Variants in FAM13A observed in about 807,000 individuals in gnomAD.
The protein encoded by FAM13A is family with sequence similarity 13 member A.
Under a neutral mutation model 129.6 loss-of-function variants are expected in FAM13A, and 76 were observed. The ratio of observed to expected loss-of-function variants is 0.59; its 90% confidence interval spans 0.49 to 0.71. The LOEUF (loss-of-function observed/expected upper bound fraction) is 0.71. FAM13A is among the 30% of genes least tolerant of loss of function. FAM13A has a pLI of 0.00. For missense variants in FAM13A, 1,108 were observed against 1,249.3 expected, an observed-to-expected ratio of 0.89 and a Z score of 1.70; for synonymous variants, 443 against 449.9, an observed-to-expected ratio of 0.98 and a Z score of 0.20.
At chr4:88,862,963 TCTTC>T (rs1235856940) in intron 6 of FAM13A, among the ~76,000 whole-genome samples, 7 of 151,822 alleles carry the variant, frequency 4.6e-5, no homozygotes, top group African/African-American at 1.2e-4. Context: ...TTTTATTTTT[TCTTC>T]CTTCATTTAG....
At chr4:89,020,396 T>C (rs1767101888) in intron 3 of FAM13A, 64 bp downstream of exon 3, 2 of 1,194,526 alleles carry the variant, frequency 1.7e-6, no homozygotes, top group Admixed American at 3.8e-5. Context: ...GGATTATAGG[T>C]GTGGGCCACC....
At chr4:88,803,837 A>T (rs1177434034) in intron 8 of FAM13A, among the ~76,000 whole-genome samples, 2 of 152,246 alleles carry the variant, frequency 1.3e-5, no homozygotes, top group Non-Finnish European at 2.9e-5. Context: ...CCTATGACAC[A>T]TTTCTGAAGT....
At position 88,749,079 on chromosome 4, in the gene FAM13A, G is replaced by T. The variant is rs756586052; in HGVS notation, c.2080-46C>A. 60 of 1,351,066 alleles carry T rather than the reference G, an allele frequency of 4.4e-5. 1 individual carries two copies. The highest frequency in any genetic ancestry group is 4.2e-6 in the Non-Finnish European group (4 of 942,786). 83.7% of individuals were successfully genotyped at this position (1,351,066 alleles called of 1,614,324 possible). A position where few individuals can be genotyped will look rare whatever the true frequency, so the allele number is the denominator to read the frequency against. ...GTAAATGCTTTGGAACTGGAGCAGGGAAAGTAAGAAGTGTTTGATGATCAT... is the reference window on the plus strand; with the variant it reads ...GTAAATGCTTTGGAACTGGAGCAGGTAAAGTAAGAAGTGTTTGATGATCAT... On this transcript the variant is annotated intron_variant, in intron 16 of 23. Transcript: ENST00000264344.
At chr4:88,847,644 T>C (rs1736862080) in intron 7 of FAM13A, among the ~76,000 whole-genome samples, 1 of 151,808 alleles carries the variant, frequency 6.6e-6, no homozygotes, top group Admixed American at 6.6e-5. Flanking sequence ...AAAAATTACA[T>C]AAACAACAGG....
At chr4:88,728,726 G>A in intron 23 of FAM13A, 67 bp from the exon 24 acceptor site, 1 of 1,557,486 alleles carries the variant, frequency 6.4e-7, no homozygotes, top group Non-Finnish European at 8.8e-7. Flanking sequence ...CTATTCATCG[G>A]GCAAATTATC....
intron 3 of FAM13A, among the ~76,000 whole-genome samples, chr4:88,996,450 T>C (rs1263345962): frequency 6.6e-6 from 1 of 152,214 alleles, no homozygotes; most frequent in Non-Finnish European, 1.5e-5. Context: ...AGAATGCAGT[T>C]TAAATTTGTC....
chr4:88,799,480 C>CTT (rs58865037), intron 8 of FAM13A, among the ~76,000 whole-genome samples: 8 of 147,518 alleles, frequency 5.4e-5, no homozygotes, highest in South Asian at 4.3e-4. Context: ...AACAATTCCA[C>CTT]TTTTTTTTTT....
chr4:88,752,248 CAGGTGACAGATAA>C (rs747003688), intron 14 of FAM13A, among the ~76,000 whole-genome samples: 2 of 152,144 alleles, frequency 1.3e-5, no homozygotes, highest in Non-Finnish European at 2.9e-5. Context: ...TCCAACCCAG[CAGGTGACAGATAA>C]GGAAACTGAA....
At chr4:88,918,080 C>T (rs572848736) in intron 5 of FAM13A, among the ~76,000 whole-genome samples, 104 of 152,278 alleles carry the variant, frequency 6.8e-4, no homozygotes, top group South Asian at 3.1e-3. Flanking sequence ...TGTAGAAATT[C>T]CTTTCCTTTC....
At chr4:88,799,734 T>C (rs13149860) in intron 8 of FAM13A, among the ~76,000 whole-genome samples, 81,796 of 151,994 alleles carry the variant, frequency 0.54, 22,467 homozygotes, top group East Asian at 0.69. Flanking sequence ...CCACCCGCCT[T>C]GGCCTCCCAA....
chr4:88,865,961 T>C (rs1473975800), intron 6 of FAM13A, among the ~76,000 whole-genome samples: 1 of 136,892 alleles, frequency 7.3e-6, no homozygotes, highest in Non-Finnish European at 1.5e-5. Flanking sequence ...ACAGTCTGCC[T>C]CCTGGGTTCA....
chr4:88,764,091 C>T (rs1745303387), intron 13 of FAM13A, among the ~76,000 whole-genome samples: 1 of 152,178 alleles, frequency 6.6e-6, no homozygotes, highest in African/African-American at 2.4e-5. Flanking sequence ...CTTGTGATAA[C>T]TAATATTAAT....
intron 21 of FAM13A, among the ~76,000 whole-genome samples, chr4:88,735,408 G>A (rs1190017727): frequency 6.6e-6 from 1 of 152,046 alleles, no homozygotes; most frequent in Non-Finnish European, 1.5e-5. Flanking sequence ...TCCTTCCATT[G>A]CTGTAAACTT....
intron 6 of FAM13A, among the ~76,000 whole-genome samples, chr4:88,875,698 G>C (rs1742297810): frequency 1.3e-5 from 2 of 152,210 alleles, no homozygotes; most frequent in Non-Finnish European, 1.5e-5. Flanking sequence ...TGGTGGGACT[G>C]TAAACTAGTT....
intron 6 of FAM13A, among the ~76,000 whole-genome samples, chr4:88,899,025 C>A (rs1746806129): frequency 6.6e-6 from 1 of 151,744 alleles, no homozygotes; most frequent in South Asian, 2.1e-4. Flanking sequence ...CAGCCCAAAG[C>A]CCATCAATCA....
intron 4 of FAM13A, among the ~76,000 whole-genome samples, chr4:88,973,126 G>C (rs978830518): frequency 1.6e-5 from 2 of 128,342 alleles, no homozygotes; most frequent in South Asian, 2.3e-4. Context: ...ACAAGCCTAG[G>C]CATAATTTTT....
chr4:88,801,874 G>A (rs1338158178), intron 8 of FAM13A, among the ~76,000 whole-genome samples: 2 of 151,962 alleles, frequency 1.3e-5, no homozygotes, highest in Non-Finnish European at 2.9e-5. Flanking sequence ...AAAAGGAGAT[G>A]CAGAACCCGA....
At chr4:88,982,973 T>C (rs1921681) in intron 4 of FAM13A, among the ~76,000 whole-genome samples, 78,857 of 151,922 alleles carry the variant, frequency 0.52, 20,568 homozygotes, top group Middle Eastern at 0.62. Context: ...CAGTGATTGA[T>C]GGAAATGGGG....
rs80274904 is a variant in FAM13A, at chr4:88,991,021, C to A, written c.557G>T (p.Arg186Leu). 1.2e-6 allele frequency: 2 copies of A among 1,613,906 alleles called. No individual in the cohort carries two copies. Among genetic ancestry groups the A allele is most frequent in the Non-Finnish European group, 1.7e-6 (2 of 1,179,960 alleles). Residue 186 changes from arginine to leucine, a missense_variant, in exon 4 of 24, where the codon CGC (arginine) becomes CTC (leucine). By Grantham distance (102) the Arg-to-Leu change is moderately radical. Around this residue, in one of 3 missense-constraint regions of FAM13A, gnomAD observed 566 missense variants for 595.7 expected, o/e 0.95. Transcript: ENST00000264344. ...AGTGGCGAGATTGTGAACATTCATG[C>A]GATTCTGCACATGATGCTTGGCTAC... is the stretch of plus-strand genomic sequence containing the variant. ...TKVAKHHVQN[R>L]MNVHNLATVF...
Sources: allele counts gnomAD v4.1 joint callset (sites outside exome capture counted in the v4.1 genomes callset), GRCh38; gene constraint gnomAD v4.1.1; regional missense constraint gnomAD v4.1.1; transcripts MANE v1.5; gene names NCBI Gene and HGNC (gene_info 2026-07-23, HGNC 2026-07-21).